Variants in DLG2 observed in about 807,000 individuals in gnomAD.
The protein encoded by DLG2 is disks large homolog 2.
A neutral mutation model predicts 132.5 loss-of-function variants in DLG2; 45 were observed. The ratio of observed to expected loss-of-function variants is 0.34; its 90% confidence interval spans 0.27 to 0.44. The LOEUF (loss-of-function observed/expected upper bound fraction) is 0.44, where lower values mean the gene tolerates loss of function less well. Ranked by LOEUF, DLG2 falls within the 20% of genes least tolerant of loss-of-function variation. The pLI is 1.00. For synonymous variants in DLG2, 424 were observed against 419.6 expected, an observed-to-expected ratio of 1.01 and a Z score of -0.13; for missense variants, 1,045 against 1,196.9, an observed-to-expected ratio of 0.87 and a Z score of 1.87.
intron 6 of DLG2, among the ~76,000 whole-genome samples, chr11:84,935,818 C>T (rs1340356315): frequency 6.6e-6 from 1 of 152,130 alleles, no homozygotes; most frequent in Non-Finnish European, 1.5e-5. Flanking sequence ...CCCACATGAC[C>T]CTGCATCTAG....
chr11:85,531,141 T>A (rs2075179144), intron 3 of DLG2, among the ~76,000 whole-genome samples: 1 of 152,260 alleles, frequency 6.6e-6, no homozygotes, highest in Non-Finnish European at 1.5e-5. Flanking sequence ...AACAACTAAT[T>A]CAATTATTTT....
rs1030150040 is a variant in DLG2, at chr11:85,124,892, G to A, written c.283-13157C>T. On this transcript the variant is annotated intron_variant, in intron 5 of 27. Coordinates refer to ENST00000376104, the MANE Select transcript of DLG2 (RefSeq NM_001142699.3). ...GTCGCCCAGGCTGGAGTGCAGTGGC[G>A]CAATCTTGGCTCACTGCAAGCTCCG... is the stretch of plus-strand genomic sequence containing the variant. Among the ~76,000 whole-genome samples the A allele has an allele frequency of 4.0e-5, 6 of 151,182 alleles. No individual in the cohort carries two copies. The East Asian group carries it at 7.8e-4, about 20-fold the overall frequency.
chr11:83,753,374 G>A (rs1223035451), intron 18 of DLG2, among the ~76,000 whole-genome samples: 1 of 152,220 alleles, frequency 6.6e-6, no homozygotes, highest in South Asian at 2.1e-4. Context: ...AGTGAGCCAA[G>A]ATTGTGCCAC....
chr11:85,345,536 C>G (rs1410756108), intron 3 of DLG2, among the ~76,000 whole-genome samples: 3 of 152,080 alleles, frequency 2.0e-5, no homozygotes, highest in South Asian at 2.1e-4. Context: ...TGCATGATAT[C>G]ACACACCTGG....
At chr11:85,460,363 G>A (rs1198444418) in intron 3 of DLG2, among the ~76,000 whole-genome samples, 1 of 152,194 alleles carries the variant, frequency 6.6e-6, no homozygotes, top group Non-Finnish European at 1.5e-5. Context: ...CTCTGGTGGG[G>A]TAGGCTTATG....
intron 11 of DLG2, among the ~76,000 whole-genome samples, chr11:84,046,212 T>C (rs2096240016): frequency 6.6e-6 from 1 of 151,668 alleles, no homozygotes; most frequent in South Asian, 2.1e-4. Flanking sequence ...CTTCAGAGCA[T>C]GTTCAATTAA....
At chr11:83,841,281 AT>A (rs1320737270) in intron 16 of DLG2, among the ~76,000 whole-genome samples, 1 of 152,208 alleles carries the variant, frequency 6.6e-6, no homozygotes, top group Non-Finnish European at 1.5e-5. Context: ...TACTAGAATG[AT>A]TTGGGGACTC....
intron 3 of DLG2, among the ~76,000 whole-genome samples, chr11:85,575,805 T>A (rs2078125154): frequency 6.6e-6 from 1 of 152,156 alleles, no homozygotes; most frequent in African/African-American, 2.4e-5. Context: ...CCTGGCCCTA[T>A]TTTTCTCCAT....
At chr11:83,685,920 T>G (rs964679764) in intron 18 of DLG2, among the ~76,000 whole-genome samples, 8 of 151,862 alleles carry the variant, frequency 5.3e-5, no homozygotes, top group Non-Finnish European at 1.2e-4. Context: ...AACCTGGGAG[T>G]CATTCTTGAC....
At chr11:84,362,502 T>G (rs955851175) in intron 7 of DLG2, among the ~76,000 whole-genome samples, 4 of 149,368 alleles carry the variant, frequency 2.7e-5, no homozygotes, top group African/African-American at 1.0e-4. Context: ...TCTTTTTTTT[T>G]TAATAATTTT....
At chr11:84,835,982 T>C (rs1174413885) in intron 6 of DLG2, among the ~76,000 whole-genome samples, 2 of 151,706 alleles carry the variant, frequency 1.3e-5, no homozygotes, top group African/African-American at 4.8e-5. Flanking sequence ...AGAATTACAG[T>C]ATGGCTGCAC....
At chr11:83,776,000 G>A (rs1183724119) in intron 18 of DLG2, among the ~76,000 whole-genome samples, 2 of 152,146 alleles carry the variant, frequency 1.3e-5, no homozygotes, top group African/African-American at 4.8e-5. Context: ...GCTGAGGCAG[G>A]AGAATGGTGT....
At chr11:84,157,521 A>G (rs1385007910) in intron 9 of DLG2, among the ~76,000 whole-genome samples, 1 of 152,114 alleles carries the variant, frequency 6.6e-6, no homozygotes, top group East Asian at 1.9e-4. Flanking sequence ...GCTTCAGACT[A>G]CTGGGTTCAA....
chr11:84,418,676 G>A (rs533652277), intron 7 of DLG2, among the ~76,000 whole-genome samples: 1 of 152,184 alleles, frequency 6.6e-6, no homozygotes, highest in South Asian at 2.1e-4. Context: ...AGCATGCAAG[G>A]CTTTCCCCAA....
At chr11:84,120,514 CG>C (rs1566589591) in intron 9 of DLG2, among the ~76,000 whole-genome samples, 3 of 152,094 alleles carry the variant, frequency 2.0e-5, no homozygotes. Context: ...AAAAATAAAG[CG>C]GGGAAAAAGC....
intron 18 of DLG2, among the ~76,000 whole-genome samples, chr11:83,703,786 T>G (rs2083391381): frequency 6.6e-6 from 1 of 152,186 alleles, no homozygotes; most frequent in African/African-American, 2.4e-5. Context: ...GCTAACCTAA[T>G]ACTCATCATG....
intron 16 of DLG2, among the ~76,000 whole-genome samples, chr11:83,835,682 C>T (rs1258160549): frequency 6.6e-6 from 1 of 152,152 alleles, no homozygotes; most frequent in Admixed American, 6.5e-5. Context: ...AAAACCACAG[C>T]CATTATTCTC....
At chr11:85,208,665 T>C (rs1459348375) in intron 4 of DLG2, among the ~76,000 whole-genome samples, 1 of 152,126 alleles carries the variant, frequency 6.6e-6, no homozygotes, top group Non-Finnish European at 1.5e-5. Context: ...AAATGTCTGC[T>C]GAGCCAGGTT....
At chr11:84,403,743 T>C (rs1463772428) in intron 7 of DLG2, among the ~76,000 whole-genome samples, 1 of 152,222 alleles carries the variant, frequency 6.6e-6, no homozygotes, top group East Asian at 1.9e-4. Context: ...CGGGTGTCTG[T>C]CCCATACTTT....
Sources: gnomAD v4.1 joint callset for allele counts (sites outside exome capture counted in the v4.1 genomes callset) on GRCh38, gnomAD v4.1.1 for gene constraint, MANE v1.5 for transcripts, NCBI Gene and HGNC (gene_info 2026-07-23, HGNC 2026-07-21) for gene names.